The following FHIT variants were observed in gnomAD, a reference collection of about 807,000 sequenced individuals.
The protein encoded by FHIT is bis(5'-adenosyl)-triphosphatase.
FHIT carries 19 observed loss-of-function variants against 17.9 expected under a neutral mutation model. The ratio of observed to expected loss-of-function variants is 1.06; its 90% confidence interval spans 0.74 to 1.56. The LOEUF (loss-of-function observed/expected upper bound fraction) is 1.56, where lower values mean the gene tolerates loss of function less well. Ranked by LOEUF, FHIT falls within the 40% of genes most tolerant of loss-of-function variation. The pLI, the probability that FHIT is intolerant of heterozygous loss-of-function variation, is 0.00. For synonymous variants in FHIT, 81 were observed against 69.7 expected, an observed-to-expected ratio of 1.16 and a Z score of -0.81; for missense variants, 248 against 189.2, an observed-to-expected ratio of 1.31 and a Z score of -1.82.
intron 4 of FHIT, among the ~76,000 whole-genome samples, chr3:60,751,847 A>T (rs1181248676): frequency 6.6e-6 from 1 of 152,192 alleles, no homozygotes; most frequent in Non-Finnish European, 1.5e-5. Flanking sequence ...TTTATAATAT[A>T]AAAAAACCAG....
Position 60,536,984 on chromosome 3 carries a change from A to C in FHIT, c.-17-5T>G, listed in dbSNP as rs769789739. 5 of 1,594,062 alleles carry C rather than the reference A, an allele frequency of 3.1e-6. No homozygotes were observed. Among genetic ancestry groups the C allele is most frequent in the Non-Finnish European group, 4.3e-6 (5 of 1,173,714 alleles). On this transcript the variant is annotated splice_region_variant and splice_polypyrimidine_tract_variant and intron_variant, in intron 4 of 9. Coordinates refer to ENST00000492590, the MANE Select transcript of FHIT (RefSeq NM_002012.4). Reference sequence around the variant, plus strand: ...ACATGTCCTCACAGTTGAAGTCTAAAAGAAAAGACAATGGATAGTTATAAA... The same window carrying C: ...ACATGTCCTCACAGTTGAAGTCTAACAGAAAAGACAATGGATAGTTATAAA...
intron 3 of FHIT, among the ~76,000 whole-genome samples, chr3:61,040,539 T>TA (rs2033457782): frequency 6.6e-6 from 1 of 152,202 alleles, no homozygotes; most frequent in Non-Finnish European, 1.5e-5. Context: ...CACTGTTTTT[T>TA]AAAATACTCT....
chr3:60,486,619 C>A (rs1467757895), intron 5 of FHIT, among the ~76,000 whole-genome samples: 1 of 152,094 alleles, frequency 6.6e-6, no homozygotes, highest in East Asian at 1.9e-4. Context: ...GATGTCTCCT[C>A]CATTAATTAT....
intron 2 of FHIT, among the ~76,000 whole-genome samples, chr3:61,162,918 G>A (rs778976751): frequency 3.3e-5 from 5 of 151,960 alleles, no homozygotes; most frequent in Non-Finnish European, 7.4e-5. Context: ...TATAATATTT[G>A]GCTGGTTCTC....
chr3:60,308,990 T>A (rs1489314903), intron 5 of FHIT, among the ~76,000 whole-genome samples: 1 of 152,008 alleles, frequency 6.6e-6, no homozygotes. Context: ...AGTACGAAAA[T>A]GGAGTTTTTA....
intron 3 of FHIT, among the ~76,000 whole-genome samples, chr3:60,874,393 T>C (rs1488630066): frequency 6.6e-6 from 1 of 152,148 alleles, no homozygotes; most frequent in Non-Finnish European, 1.5e-5. Flanking sequence ...AAATCCTTCA[T>C]TAATTTCAAG....
chr3:59,763,699 G>A (rs1008134829), intron 8 of FHIT, among the ~76,000 whole-genome samples: 2 of 152,154 alleles, frequency 1.3e-5, no homozygotes. Context: ...AGACAATATG[G>A]TCAGAAAAGA....
Position 60,921,355 on chromosome 3 carries a change from T to C in FHIT, c.-110-99344A>G, listed in dbSNP as rs1559830868. The stretch of plus-strand genomic sequence containing the variant: ...CTTAAAATATAATAGCAATAACTTT[T>C]TTATTGTAAATAAGGCTGGGTTGAT... On this transcript the variant is annotated intron_variant, in intron 3 of 9. Transcript: ENST00000492590. Among the ~76,000 whole-genome samples the C allele has an allele frequency of 3.3e-5, 5 of 152,292 alleles. No homozygotes were observed. The South Asian group carries it at 8.3e-4, about 25-fold the overall frequency.
At chr3:59,899,960 G>A (rs1400527160) in intron 8 of FHIT, among the ~76,000 whole-genome samples, 10 of 152,196 alleles carry the variant, frequency 6.6e-5, no homozygotes, top group Non-Finnish European at 8.8e-5. Context: ...AGGCTTTGCC[G>A]GCCATAGGTA....
intron 2 of FHIT, among the ~76,000 whole-genome samples, chr3:61,163,464 C>T (rs560717021): frequency 6.6e-6 from 1 of 152,232 alleles, no homozygotes; most frequent in East Asian, 1.9e-4. Context: ...TGACACACTA[C>T]CCCAAAATAT....
At chr3:61,116,401 C>G (rs2036299354) in intron 2 of FHIT, among the ~76,000 whole-genome samples, 1 of 152,034 alleles carries the variant, frequency 6.6e-6, no homozygotes, top group Non-Finnish European at 1.5e-5. Flanking sequence ...TGCCCTTGTC[C>G]ACAGCTTTGC....
intron 4 of FHIT, among the ~76,000 whole-genome samples, chr3:60,790,735 T>C (rs1235256196): frequency 1.3e-5 from 2 of 152,216 alleles, no homozygotes; most frequent in Non-Finnish European, 2.9e-5. Flanking sequence ...AGATACATGA[T>C]GTTACATACT....
At chr3:60,075,081 A>C (rs1343711958) in intron 5 of FHIT, among the ~76,000 whole-genome samples, 1 of 152,130 alleles carries the variant, frequency 6.6e-6, no homozygotes, top group East Asian at 1.9e-4. Flanking sequence ...AATGACAAAA[A>C]CCTTAATAAG....
chr3:60,776,438 A>G (rs781869948), intron 4 of FHIT, among the ~76,000 whole-genome samples: 9 of 152,242 alleles, frequency 5.9e-5, no homozygotes, highest in Non-Finnish European at 1.3e-4. Context: ...TAAGAAATAG[A>G]AACAGTCTTA....
chr3:60,448,866 T>C (rs1168408349), intron 5 of FHIT, among the ~76,000 whole-genome samples: 1 of 152,186 alleles, frequency 6.6e-6, no homozygotes, highest in Non-Finnish European at 1.5e-5. Flanking sequence ...TTACTAAGTC[T>C]TGCCAGGAAG....
intron 5 of FHIT, among the ~76,000 whole-genome samples, chr3:60,058,638 CTCTT>C (rs1702182276): frequency 6.6e-6 from 1 of 152,142 alleles, no homozygotes; most frequent in African/African-American, 2.4e-5. Flanking sequence ...GATTCCAAAG[CTCTT>C]TCTTAGAATT....
At chr3:60,597,606 T>C (rs1354429029) in intron 4 of FHIT, among the ~76,000 whole-genome samples, 2 of 152,088 alleles carry the variant, frequency 1.3e-5, no homozygotes, top group African/African-American at 4.8e-5. Context: ...CAAATGACAG[T>C]GAAGTCTAAG....
At chr3:60,863,778 A>T (rs1704035112) in intron 3 of FHIT, among the ~76,000 whole-genome samples, 1 of 152,182 alleles carries the variant, frequency 6.6e-6, no homozygotes, top group African/African-American at 2.4e-5. Flanking sequence ...TGCAAAGAAC[A>T]TAATAAAGAT....
intron 1 of FHIT, among the ~76,000 whole-genome samples, chr3:61,222,244 T>G (rs1217837733): frequency 1.3e-5 from 2 of 152,214 alleles, no homozygotes; most frequent in African/African-American, 4.8e-5. Flanking sequence ...AAGGTTGGCA[T>G]GGACCAGGAT....
Sources: allele counts gnomAD v4.1 joint callset (sites outside exome capture counted in the v4.1 genomes callset), GRCh38; gene constraint gnomAD v4.1.1; transcripts MANE v1.5; gene names NCBI Gene and HGNC (gene_info 2026-07-23, HGNC 2026-07-21).